The following VRTN variants were observed in gnomAD, a reference collection of about 807,000 sequenced individuals.
VRTN encodes vertnin.
A neutral mutation model predicts 18.2 loss-of-function variants in VRTN; 5 were observed. The observed-to-expected ratio is 0.27, with a 90% CI of 0.14 to 0.58. The LOEUF (loss-of-function observed/expected upper bound fraction) is 0.58, where lower values mean the gene tolerates loss of function less well. VRTN is among the 20% of genes least tolerant of loss of function. VRTN has a pLI of 0.91. For synonymous variants in VRTN, 381 were observed against 393.7 expected, an observed-to-expected ratio of 0.97 and a Z score of 0.38; for missense variants, 741 against 939.4, an observed-to-expected ratio of 0.79 and a Z score of 2.76.
intron 1 of VRTN, among the ~76,000 whole-genome samples, chr14:74,309,399 T>C (rs2085374290): frequency 6.6e-6 from 1 of 152,224 alleles, no homozygotes; most frequent in Non-Finnish European, 1.5e-5. Context: ...GTTTATACAC[T>C]TGAATTTCCC....
chr14:74,334,099 C>G (rs1595169456), intron 1 of VRTN, among the ~76,000 whole-genome samples: 1 of 152,180 alleles, frequency 6.6e-6, no homozygotes, highest in South Asian at 2.1e-4. Context: ...GTTCCAGAAG[C>G]TACGCTCATT....
At position 74,329,354 on chromosome 14, in the gene VRTN, TC is replaced by T. The variant is rs568290720; in HGVS notation, c.-163-8367del. ...GTGGCATCTTCCAGGGCTCCAGTGATCCTCCCATCTCAGCTTCCTGAGTAGC... is the reference window on the plus strand; with the variant it reads ...GTGGCATCTTCCAGGGCTCCAGTGATCTCCCATCTCAGCTTCCTGAGTAGC... On this transcript the variant is annotated intron_variant, in intron 1 of 2. Coordinates refer to the VRTN transcript ENST00000557177. Among the ~76,000 whole-genome samples, 203 of 151,930 alleles carry T rather than the reference TC, an allele frequency of 1.3e-3. 1 individual carries two copies. Among genetic ancestry groups the T allele is most frequent in the African/African-American group, 4.6e-3 (192 of 41,412 alleles).
intron 1 of VRTN, among the ~76,000 whole-genome samples, chr14:74,335,412 C>A (rs2085557161): frequency 6.6e-6 from 1 of 152,074 alleles, no homozygotes; most frequent in South Asian, 2.1e-4. Context: ...TAATGTGGTC[C>A]AAGTACATAC....
intron 1 of VRTN, among the ~76,000 whole-genome samples, chr14:74,330,494 T>G (rs1595168146): frequency 6.7e-6 from 1 of 148,588 alleles, no homozygotes; most frequent in Admixed American, 6.9e-5. Context: ...CAGGCTGGAG[T>G]GCAATGGTGC....
intron 2 of VRTN, among the ~76,000 whole-genome samples, chr14:74,342,521 G>A (rs966347811): frequency 2.0e-5 from 3 of 151,786 alleles, no homozygotes; most frequent in Non-Finnish European, 4.4e-5. Flanking sequence ...GCATATATGT[G>A]TACATATATA....
Position 74,359,019 on chromosome 14 carries a change from A to G in VRTN, c.*127A>G, listed in dbSNP as rs979715469. 1 of 1,432,832 alleles carries G rather than the reference A, an allele frequency of 7.0e-7. No homozygotes were observed. Among genetic ancestry groups the G allele is most frequent in the Admixed American group, 2.9e-5 (1 of 34,832 alleles). 88.8% of individuals were successfully genotyped at this position (1,432,832 alleles called of 1,614,324 possible). The stretch of plus-strand genomic sequence containing the variant: ...TCCCACAGTGTCTACCCTAAGTCCA[A>G]GGGTATATTTGTGTTATTTTCTGGC... On this transcript the variant is annotated 3_prime_UTR_variant, in exon 2 of 2. Transcript: ENST00000256362.
At chr14:74,347,815 G>C (rs1390777589), upstream of VRTN, among the ~76,000 whole-genome samples, 5 of 152,308 alleles carry the variant, frequency 3.3e-5, no homozygotes, top group Middle Eastern at 6.8e-3. Context: ...AGGTGCCCTG[G>C]GATAGGCCCC....
chr14:74,339,852 A>G (rs1039896703), intron 2 of VRTN, among the ~76,000 whole-genome samples: 2 of 152,202 alleles, frequency 1.3e-5, no homozygotes, highest in African/African-American at 4.8e-5. Flanking sequence ...ACATGTCATA[A>G]AAGTAAGACT....
At chr14:74,343,545 C>T (rs2085622681), upstream of VRTN, among the ~76,000 whole-genome samples, 1 of 152,134 alleles carries the variant, frequency 6.6e-6, no homozygotes, top group African/African-American at 2.4e-5. Flanking sequence ...TACAGGCTTA[C>T]CCACCGTAGC....
At chr14:74,307,290 G>A (rs1229076951) in intron 1 of VRTN, among the ~76,000 whole-genome samples, 1 of 151,570 alleles carries the variant, frequency 6.6e-6, no homozygotes, top group Non-Finnish European at 1.5e-5. Flanking sequence ...CACCACGCCC[G>A]GCTAATTTTT....
chr14:74,335,665 T>C (rs2085558880), intron 1 of VRTN, among the ~76,000 whole-genome samples: 1 of 152,264 alleles, frequency 6.6e-6, no homozygotes, highest in Middle Eastern at 3.4e-3. Context: ...GTGATTTTCA[T>C]TGCCATTCTA....
chr14:74,304,287 GC>G (rs2085272619), intron 1 of VRTN, among the ~76,000 whole-genome samples: 1 of 151,934 alleles, frequency 6.6e-6, no homozygotes, highest in Non-Finnish European at 1.5e-5. Flanking sequence ...CTCCCGAGTA[GC>G]TGGGATTACA....
intron 1 of VRTN, among the ~76,000 whole-genome samples, chr14:74,312,992 C>T (rs575984924): frequency 8.0e-5 from 12 of 149,516 alleles, no homozygotes; most frequent in South Asian, 2.1e-4. Context: ...CCACCTGCCT[C>T]GGCCTCCCAA....
chr14:74,314,449 T>G (rs1274907550), intron 1 of VRTN, among the ~76,000 whole-genome samples: 2 of 137,180 alleles, frequency 1.5e-5, no homozygotes, highest in Non-Finnish European at 1.5e-5. Flanking sequence ...CAGGCTGGAG[T>G]GCAGTGGCAC....
chr14:74,343,662 A>G (rs1007014397), upstream of VRTN, among the ~76,000 whole-genome samples: 1 of 152,192 alleles, frequency 6.6e-6, no homozygotes, highest in African/African-American at 2.4e-5. Context: ...ATCTCGGCTA[A>G]AATAGAAGCC....
chr14:74,323,931 C>A (rs767901709), intron 1 of VRTN, among the ~76,000 whole-genome samples: 3 of 152,144 alleles, frequency 2.0e-5, no homozygotes, highest in Non-Finnish European at 2.9e-5. Flanking sequence ...AATCTGGCAA[C>A]CTTCCAGCTG....
At chr14:74,314,653 T>TC (rs984479995) in intron 1 of VRTN, among the ~76,000 whole-genome samples, 1 of 152,114 alleles carries the variant, frequency 6.6e-6, no homozygotes, top group Non-Finnish European at 1.5e-5. Flanking sequence ...TCCGCCTGCC[T>TC]CGGCCTCCCA....
At chr14:74,308,979 C>T (rs2085371914) in intron 1 of VRTN, among the ~76,000 whole-genome samples, 1 of 152,006 alleles carries the variant, frequency 6.6e-6, no homozygotes, top group Admixed American at 6.6e-5. Flanking sequence ...TCTTGTGCCT[C>T]ATCCTCTCGA....
intron 1 of VRTN, among the ~76,000 whole-genome samples, chr14:74,355,642 C>G (rs1163730859): frequency 6.6e-6 from 1 of 152,148 alleles, no homozygotes; most frequent in Non-Finnish European, 1.5e-5. Context: ...TCAAGTGATT[C>G]TCGTGCCTCA....
Sources: gnomAD v4.1 joint callset for allele counts (sites outside exome capture counted in the v4.1 genomes callset) on GRCh38, gnomAD v4.1.1 for gene constraint, MANE v1.5 for transcripts, NCBI Gene and HGNC (gene_info 2026-07-23, HGNC 2026-07-21) for gene names.